PRKAR2A: variants seen among roughly 807,000 people sequenced by gnomAD.
PRKAR2A encodes the protein cAMP-dependent protein kinase type II-alpha regulatory subunit.
Under a neutral mutation model 51.9 loss-of-function variants are expected in PRKAR2A, and 29 were observed. The ratio of observed to expected loss-of-function variants is 0.56; its 90% confidence interval spans 0.42 to 0.76. The LOEUF is 0.76. Among genes scored for constraint, PRKAR2A ranks in the 30% least tolerant of loss-of-function variants. PRKAR2A has a pLI of 0.00. For synonymous variants in PRKAR2A, 178 were observed against 186.2 expected (o/e 0.96, Z 0.36); for missense variants, 445 against 512.1 (o/e 0.87, Z 1.26).
intron 6 of PRKAR2A, among the ~76,000 whole-genome samples, chr3:48,767,478 C>T (rs1267707382): frequency 6.7e-6 from 1 of 149,064 alleles, no homozygotes; most frequent in Non-Finnish European, 1.5e-5. Context: ...GACCCTGCCT[C>T]GAAAAAAACA....
rs567794258 is a variant in PRKAR2A, at chr3:48,837,879, G to A, written c.262+9456C>T. Among the ~76,000 whole-genome samples the A allele has an allele frequency of 4.8e-4, 73 of 152,144 alleles. 1 individual carries two copies. Among genetic ancestry groups the A allele is most frequent in the Middle Eastern group, 6.8e-3 (2 of 294 alleles). Reference sequence around the variant, plus strand: ...TGAGTACATTATGCTAAGTGCCAGCGGCAAAAGACCACATATTGGCTGGGC... The same window carrying A: ...TGAGTACATTATGCTAAGTGCCAGCAGCAAAAGACCACATATTGGCTGGGC... On this transcript the variant is annotated intron_variant, in intron 1 of 10. Transcript: ENST00000265563.
chr3:48,754,505 G>A (rs2081725123), intron 9 of PRKAR2A, among the ~76,000 whole-genome samples: 1 of 152,102 alleles, frequency 6.6e-6, no homozygotes, highest in Admixed American at 6.6e-5. Context: ...GGCGCCGGTG[G>A]CTCATGCCTG....
At chr3:48,831,190 T>C (rs1203433678) in intron 1 of PRKAR2A, among the ~76,000 whole-genome samples, 3 of 152,174 alleles carry the variant, frequency 2.0e-5, no homozygotes, top group Non-Finnish European at 2.9e-5. Context: ...TAATGTGTTG[T>C]AACACAACAT....
intron 5 of PRKAR2A, among the ~76,000 whole-genome samples, chr3:48,773,339 CTTTTTTT>C (rs34140561): frequency 2.3e-5 from 2 of 87,660 alleles, no homozygotes; most frequent in African/African-American, 9.4e-5. Context: ...ATTTTCTTTT[CTTTTTTT>C]TTTTTTTTTT....
intron 2 of PRKAR2A, among the ~76,000 whole-genome samples, chr3:48,794,400 T>TG (rs2082455012): frequency 6.6e-6 from 1 of 151,802 alleles, no homozygotes; most frequent in South Asian, 2.1e-4. Flanking sequence ...ATCCACCTGA[T>TG]GTATATCCAC....
chr3:48,776,712 G>A (rs1023112147), intron 5 of PRKAR2A, among the ~76,000 whole-genome samples: 1 of 152,058 alleles, frequency 6.6e-6, no homozygotes, highest in Non-Finnish European at 1.5e-5. Flanking sequence ...GTGGTGGCAT[G>A]TGCCTGTAAT....
intron 1 of PRKAR2A, among the ~76,000 whole-genome samples, chr3:48,814,671 G>A (rs2082844172): frequency 6.6e-6 from 1 of 152,182 alleles, no homozygotes; most frequent in African/African-American, 2.4e-5. Context: ...CACCAGAGTA[G>A]AAAATCATTG....
intron 4 of PRKAR2A, among the ~76,000 whole-genome samples, chr3:48,788,052 A>G (rs530522196): frequency 6.6e-6 from 1 of 152,110 alleles, no homozygotes; most frequent in Admixed American, 6.6e-5. Context: ...CTTTTTTGAG[A>G]TGGAATCTCA....
At chr3:48,783,154 C>G in intron 4 of PRKAR2A, 62 bp from the exon 5 acceptor site, 1 of 1,054,052 alleles carries the variant, frequency 9.5e-7, no homozygotes, top group South Asian at 1.3e-5. Flanking sequence ...AAGCAGTGAC[C>G]ATAATTATCT....
At chr3:48,818,667 T>C (rs1211871081) in intron 1 of PRKAR2A, among the ~76,000 whole-genome samples, 4 of 152,056 alleles carry the variant, frequency 2.6e-5, no homozygotes, top group Admixed American at 1.3e-4. Flanking sequence ...GGTGGGAGGA[T>C]GGCTTGAGCC....
At chr3:48,820,092 G>A (rs1206229043) in intron 1 of PRKAR2A, among the ~76,000 whole-genome samples, 7 of 152,116 alleles carry the variant, frequency 4.6e-5, no homozygotes, top group Non-Finnish European at 7.3e-5. Context: ...TTCCAAAAAC[G>A]GAATATGACC....
At chr3:48,783,145 A>G in intron 4 of PRKAR2A, 53 bp from the exon 5 acceptor site, 1 of 1,146,466 alleles carries the variant, frequency 8.7e-7, no homozygotes, top group South Asian at 1.2e-5. Context: ...GCTGAAAAAA[A>G]GCAGTGACCA....
Position 48,749,313 on chromosome 3 carries a change from T to G in PRKAR2A, c.*2272A>C, listed in dbSNP as rs1009590577. Reference sequence around the variant, plus strand: ...AAAATTATTCTGAAATATACCTTATTAGGATGATCACTGGAATTCTACCAG... The same window carrying G: ...AAAATTATTCTGAAATATACCTTATGAGGATGATCACTGGAATTCTACCAG... On this transcript the variant is annotated 3_prime_UTR_variant, in exon 11 of 11. Transcript: ENST00000265563. 6.6e-6 allele frequency: 1 copy of G among 152,124 alleles called. No homozygotes were observed. The highest frequency in any genetic ancestry group is 2.4e-5 in the African/African-American group (1 of 41,430). The allele number at this position is 152,124 out of a possible 1,614,324, so 9.4% of individuals were successfully genotyped here. A position where few individuals can be genotyped will look rare whatever the true frequency, so the allele number is the denominator to read the frequency against.
intron 6 of PRKAR2A, among the ~76,000 whole-genome samples, chr3:48,768,335 A>AGATAGATAGATG (rs1553666209): frequency 6.6e-6 from 1 of 151,650 alleles, no homozygotes; most frequent in South Asian, 2.1e-4. Flanking sequence ...ATAGATAGAT[A>AGATAGATAGATG]GATAGATATA....
intron 1 of PRKAR2A, among the ~76,000 whole-genome samples, chr3:48,808,347 G>T (rs1443596822): frequency 6.6e-6 from 1 of 151,578 alleles, no homozygotes; most frequent in Non-Finnish European, 1.5e-5. Flanking sequence ...TCCGCCTCCC[G>T]GCTTCATGCC....
intron 1 of PRKAR2A, among the ~76,000 whole-genome samples, chr3:48,810,599 A>G (rs1412773459): frequency 1.3e-5 from 2 of 152,128 alleles, no homozygotes; most frequent in African/African-American, 4.8e-5. Flanking sequence ...CGACAGAGTA[A>G]AACTGTCTCT....
At position 48,746,603 on chromosome 3, in the gene PRKAR2A, T is replaced by G. The variant is rs1311388512; in HGVS notation, c.*4982A>C. On this transcript the variant is annotated 3_prime_UTR_variant, in exon 11 of 11. Transcript: ENST00000265563. ...GTCAGACATGATTTGTCAGCCTTTA[T>G]TAATCAAGAGTAAAGCCGAGCCCTA... 6.6e-6 allele frequency: 1 copy of G among 152,188 alleles called. No individual in the cohort carries two copies. Among genetic ancestry groups the G allele is most frequent in the South Asian group, 2.1e-4 (1 of 4,836 alleles). 9.4% of individuals were successfully genotyped at this position (152,188 alleles called of 1,614,324 possible).
Position 48,760,125 on chromosome 3 carries a change from G to A in PRKAR2A, c.874-3681C>T, listed in dbSNP as rs534314278. 7.2e-5 allele frequency among the ~76,000 whole-genome samples: 11 copies of A among 152,234 alleles called. No individual in the cohort carries two copies. The South Asian group carries it at 1.5e-3, about 20-fold the overall frequency. The stretch of plus-strand genomic sequence containing the variant: ...TCCCAGTACTTTGGAAGGCCAAGGC[G>A]GACAGATCACCTGAGGTCAGAAGCT... On this transcript the variant is annotated intron_variant, in intron 8 of 10. Coordinates refer to ENST00000265563, the MANE Select transcript of PRKAR2A (RefSeq NM_004157.4).
At chr3:48,783,583 G>GC (rs1553670212) in intron 4 of PRKAR2A, among the ~76,000 whole-genome samples, 1 of 151,242 alleles carries the variant, frequency 6.6e-6, no homozygotes, top group Non-Finnish European at 1.5e-5. Flanking sequence ...TATCTTGTTT[G>GC]TTTTTTTTTG....
Sources: gnomAD v4.1 joint callset for allele counts (sites outside exome capture counted in the v4.1 genomes callset) on GRCh38, gnomAD v4.1.1 for gene constraint, MANE v1.5 for transcripts, NCBI Gene and HGNC (gene_info 2026-07-23, HGNC 2026-07-21) for gene names.